Variants in PTH2R observed in about 807,000 individuals in gnomAD.
PTH2R encodes parathyroid hormone 2 receptor.
Under a neutral mutation model 60.3 loss-of-function variants are expected in PTH2R, and 59 were observed. The observed-to-expected ratio is 0.98, with a 90% confidence interval of 0.79 to 1.22. The LOEUF (loss-of-function observed/expected upper bound fraction) is 1.22. Ranked by LOEUF, PTH2R falls within the 50% of genes most tolerant of loss-of-function variation. The pLI is 0.00. For missense variants in PTH2R, 749 were observed against 682.6 expected (o/e 1.10, Z -1.08); for synonymous variants, 256 against 243.8 (o/e 1.05, Z -0.47).
chr2:208,378,085 T>G (rs887253074), intron 1 of PTH2R, among the ~76,000 whole-genome samples: 2 of 151,998 alleles, frequency 1.3e-5, no homozygotes, highest in African/African-American at 4.8e-5. Flanking sequence ...TGGGCAACAT[T>G]GAGCACTGAG....
intron 11 of PTH2R, among the ~76,000 whole-genome samples, chr2:208,489,410 T>A (rs1002684980): frequency 1.2e-4 from 18 of 152,236 alleles, no homozygotes; most frequent in African/African-American, 4.3e-4. Context: ...ATAAGGAACA[T>A]CTTGTTGTAA....
At chr2:208,434,518 G>A (rs1317833630) in intron 2 of PTH2R, among the ~76,000 whole-genome samples, 3 of 152,178 alleles carry the variant, frequency 2.0e-5, no homozygotes, top group South Asian at 2.1e-4. Flanking sequence ...TTTAGAGCAT[G>A]AGGAAAAAAA....
In PTH2R at chr2:208,428,388, A is replaced by G. The variant is rs978890344; in HGVS notation, c.178+85A>G. On this transcript the variant is annotated intron_variant, in intron 2 of 12. Coordinates refer to ENST00000272847, the MANE Select transcript of PTH2R (RefSeq NM_005048.4). ...CACATTTCCCTCCTTCTTTAGTGTT[A>G]GGGAGATCCTTATCAGTCAATCCAC... 2.0e-5 allele frequency: 19 copies of G among 929,140 alleles called. No homozygotes were observed. In the Admixed American group the frequency reaches 2.2e-4, roughly 11 times the overall value. 57.6% of individuals were successfully genotyped at this position (929,140 alleles called of 1,614,324 possible). A position where few individuals can be genotyped will look rare whatever the true frequency, so the allele number is the denominator to read the frequency against.
chr2:208,481,219 C>CTTT (rs34570534), intron 10 of PTH2R, 55 bp downstream of exon 10: 90 of 835,346 alleles, frequency 1.1e-4, no homozygotes, highest in East Asian at 2.5e-4. Context: ...TATTTCTTTC[C>CTTT]TTTTTTTTTT....
chr2:208,381,191 A>G (rs1700906578), intron 1 of PTH2R, among the ~76,000 whole-genome samples: 1 of 152,058 alleles, frequency 6.6e-6, no homozygotes, highest in Admixed American at 6.6e-5. Context: ...GTAATAAAAT[A>G]TATGTAAAGA....
At position 208,459,920 on chromosome 2, in the gene PTH2R, A is replaced by G. The variant is rs1702598511; in HGVS notation, c.940A>G (p.Ile314Val). The G allele has an allele frequency of 6.2e-7, 1 of 1,613,162 alleles. No individual in the cohort carries two copies. The highest frequency in any genetic ancestry group is 1.3e-5 in the African/African-American group (1 of 74,880). ...GTGCTGGGAACTTAGTGCTGGAGAC[A>G]TCAAGTGGATTTATCAAGCACCGAT... is the stretch of plus-strand genomic sequence containing the variant. ...ARCWELSAGDIKWIYQAPILA... is the reference protein window; with the variant it reads ...ARCWELSAGDVKWIYQAPILA... Residue 314 changes from isoleucine to valine, a missense_variant, in exon 9 of 13, where the codon ATC becomes GTC. Ile to Val is a conservative substitution (Grantham distance 29, BLOSUM62 3). Transcript: ENST00000272847.
At chr2:208,454,736 A>G (rs1349093204) in intron 8 of PTH2R, among the ~76,000 whole-genome samples, 1 of 152,258 alleles carries the variant, frequency 6.6e-6, no homozygotes, top group Admixed American at 6.5e-5. Flanking sequence ...GCATTCTTTT[A>G]TGTTAATAGA....
At chr2:208,406,297 A>G (rs180689673), upstream of PTH2R, among the ~76,000 whole-genome samples, 389 of 152,360 alleles carry the variant, frequency 2.6e-3, no homozygotes, top group African/African-American at 8.9e-3. Flanking sequence ...TCAAAGCACA[A>G]TACCACACAA....
chr2:208,429,545 A>T (rs927166422), intron 2 of PTH2R, among the ~76,000 whole-genome samples: 1 of 152,168 alleles, frequency 6.6e-6, no homozygotes, highest in African/African-American at 2.4e-5. Flanking sequence ...AAAAAAATTT[A>T]AAACACTAGT....
chr2:208,431,452 T>A (rs1701970321), intron 2 of PTH2R, among the ~76,000 whole-genome samples: 1 of 152,216 alleles, frequency 6.6e-6, no homozygotes, highest in African/African-American at 2.4e-5. Context: ...AGGTTCTTGT[T>A]TAAAGAACAT....
chr2:208,359,803 C>A (rs187847714), exon 1 of PTH2R: 2 of 155,778 alleles, frequency 1.3e-5, no homozygotes, highest in Non-Finnish European at 2.9e-5. Flanking sequence ...GGGAGGCCCG[C>A]CCCCTGCCTG....
intron 9 of PTH2R, among the ~76,000 whole-genome samples, chr2:208,473,177 C>T (rs951544478): frequency 6.6e-6 from 1 of 152,164 alleles, no homozygotes; most frequent in African/African-American, 2.4e-5. Flanking sequence ...GAACAACACT[C>T]ACATGTGTGG....
chr2:208,401,919 C>G (rs1701317466), upstream of PTH2R, among the ~76,000 whole-genome samples: 1 of 152,150 alleles, frequency 6.6e-6, no homozygotes, highest in Non-Finnish European at 1.5e-5. Context: ...TTACACAGCT[C>G]CCTGGTTCCT....
chr2:208,385,532 C>A (rs901284877), intron 1 of PTH2R, among the ~76,000 whole-genome samples: 1 of 152,188 alleles, frequency 6.6e-6, no homozygotes, highest in African/African-American at 2.4e-5. Flanking sequence ...GCACAAAGAT[C>A]TGTGGTCATC....
chr2:208,406,799 G>T lies in PTH2R; in HGVS notation c.-245G>T, dbSNP rs903351870. ...GGGCTGCGAGTCAAGTCCAGGACTCGGGCCAGTCTCTCCGGAAGACAAGAC... is the reference window on the plus strand; with the variant it reads ...GGGCTGCGAGTCAAGTCCAGGACTCTGGCCAGTCTCTCCGGAAGACAAGAC... On this transcript the variant is annotated 5_prime_UTR_variant, in exon 1 of 13. Transcript: ENST00000272847. The T allele has an allele frequency of 5.5e-6, 2 of 363,242 alleles. No individual in the cohort carries two copies. The highest frequency in any genetic ancestry group is 4.6e-5 in the Admixed American group (1 of 21,562). The allele number at this position is 363,242 out of a possible 1,614,324, so 22.5% of individuals were successfully genotyped here. A position where few individuals can be genotyped will look rare whatever the true frequency, so the allele number is the denominator to read the frequency against.
intron 4 of PTH2R, among the ~76,000 whole-genome samples, chr2:208,439,746 A>C (rs1559220627): frequency 6.6e-6 from 1 of 152,168 alleles, no homozygotes; most frequent in Non-Finnish European, 1.5e-5. Context: ...ACAGTAGCAT[A>C]CTGTAGAAAC....
chr2:208,444,740 T>C lies in PTH2R; in HGVS notation c.706T>C (p.Cys236Arg). 1 of 1,613,468 alleles carries C rather than the reference T, an allele frequency of 6.2e-7. No individual in the cohort carries two copies. The highest frequency in any genetic ancestry group is 8.5e-7 in the Non-Finnish European group (1 of 1,179,712). Residue 236 changes from cysteine (C) to arginine (R), a missense_variant, in exon 7 of 13, where the codon TGC becomes CGC. By Grantham distance (180) the Cys-to-Arg change is radical. Transcript: ENST00000272847. ...TCTGGTTTATTTGTAATAGATCGGG[T>C]GCAAGATTGCTGTTGTGATGTTTAT... ...TSVDKSQYIG[C>R]KIAVVMFIYF...
At chr2:208,372,673 C>T (rs984911561) in intron 1 of PTH2R, among the ~76,000 whole-genome samples, 2 of 152,042 alleles carry the variant, frequency 1.3e-5, no homozygotes, top group African/African-American at 4.8e-5. Flanking sequence ...AATGCTTACT[C>T]TAGGCAATAG....
At chr2:208,380,870 A>G (rs1358249300) in intron 1 of PTH2R, among the ~76,000 whole-genome samples, 2 of 152,100 alleles carry the variant, frequency 1.3e-5, no homozygotes, top group African/African-American at 4.8e-5. Flanking sequence ...GCTGACCTCC[A>G]TCTGCTACAT....
Sources: allele counts gnomAD v4.1 joint callset (sites outside exome capture counted in the v4.1 genomes callset), GRCh38; gene constraint gnomAD v4.1.1; transcripts MANE v1.5; gene names NCBI Gene and HGNC (gene_info 2026-07-23, HGNC 2026-07-21).